RFWD3: variants seen among roughly 807,000 people sequenced by gnomAD.
RFWD3 encodes E3 ubiquitin-protein ligase RFWD3.
Under a neutral mutation model 87.7 loss-of-function variants are expected in RFWD3, and 65 were observed. That is an observed-to-expected ratio of 0.74 (90% CI 0.61 to 0.91). RFWD3 has a LOEUF of 0.91. RFWD3 is among the 40% of genes least tolerant of loss of function. RFWD3 has a pLI of 0.00. For synonymous variants in RFWD3, 433 were observed against 352.8 expected (o/e 1.23, Z -2.55); for missense variants, 1,078 against 938.5 (o/e 1.15, Z -1.94).
intron 2 of RFWD3, 128 bp downstream of exon 2, chr16:74,660,804 T>C: frequency 5.1e-6 from 5 of 980,412 alleles, no homozygotes; most frequent in South Asian, 1.6e-5. Flanking sequence ...TTTCCACCTA[T>C]GAGGAACTGG....
intron 2 of RFWD3, chr16:74,660,676 A>C: frequency 2.5e-6 from 1 of 402,000 alleles, no homozygotes; most frequent in Non-Finnish European, 4.5e-6. Context: ...TGTACAAGAC[A>C]CAATCTGAAC....
chr16:74,643,520 G>A (rs998896942), intron 6 of RFWD3, among the ~76,000 whole-genome samples: 3 of 152,032 alleles, frequency 2.0e-5, no homozygotes, highest in African/African-American at 7.3e-5. Context: ...AGGCTTTAGA[G>A]ACACATTTCC....
intron 2 of RFWD3, among the ~76,000 whole-genome samples, chr16:74,658,378 G>C (rs1961163341): frequency 6.6e-6 from 1 of 152,182 alleles, no homozygotes; most frequent in Non-Finnish European, 1.5e-5. Flanking sequence ...AAGCCTGTTG[G>C]GAAGAATAAG....
At chr16:74,628,709 C>G (rs1367962226) in intron 10 of RFWD3, 43 bp from the exon 11 acceptor site, 1 of 1,589,120 alleles carries the variant, frequency 6.3e-7, no homozygotes, top group African/African-American at 1.3e-5. Context: ...CTCCAAAACT[C>G]GGACGGCTCC....
At chr16:74,639,458 C>T (rs762287541) in intron 6 of RFWD3, among the ~76,000 whole-genome samples, 4 of 152,168 alleles carry the variant, frequency 2.6e-5, no homozygotes, top group Non-Finnish European at 5.9e-5. Flanking sequence ...CATTATGCAG[C>T]ACGTGACTGT....
chr16:74,647,424 A>C (rs1381856058), intron 4 of RFWD3, among the ~76,000 whole-genome samples: 1 of 152,004 alleles, frequency 6.6e-6, no homozygotes, highest in East Asian at 1.9e-4. Context: ...AGTAGCTGGG[A>C]CTATAGGCAC....
rs748422189 is a variant in RFWD3 at position 74,630,876 on chromosome 16, G to A, written c.1659C>T (p.Asn553=). 8 of 1,614,076 alleles carry A rather than the reference G, an allele frequency of 5.0e-6. No individual in the cohort carries two copies. In the South Asian group the frequency reaches 8.8e-5, roughly 18 times the overall value. The change falls in exon 10 of 13, where the codon AAC becomes AAT. Residue 553 remains asparagine, a synonymous_variant. Transcript: ENST00000361070. The stretch of plus-strand genomic sequence containing the variant: ...CATTGGCCAGTCCAGCATAGATGTA[G>A]TTAGCCTCATCAAGACACCAGCAAC... ...WSCCWCLDEA[N]YIYAGLANGS...
At chr16:74,661,690 T>C in intron 1 of RFWD3, among the ~76,000 whole-genome samples, 1 of 152,206 alleles carries the variant, frequency 6.6e-6, no homozygotes, top group Non-Finnish European at 1.5e-5. Flanking sequence ...TGAAGTCCTG[T>C]GATCATAGTA....
chr16:74,623,808 CA>C lies in RFWD3; in HGVS notation c.*119del. 3 of 1,129,782 alleles carry C rather than the reference CA, an allele frequency of 2.7e-6. No homozygotes were observed. The highest frequency in any genetic ancestry group is 2.6e-6 in the Non-Finnish European group (2 of 780,082). The allele number at this position is 1,129,782 out of a possible 1,614,324, so 70.0% of individuals were successfully genotyped here. A position where few individuals can be genotyped will look rare whatever the true frequency, so the allele number is the denominator to read the frequency against. ...GGTCCTAGAATCATACTAATGCAAA[CA>C]AACCATGATTCCCAATGTTCTAGAC... On this transcript the variant is annotated 3_prime_UTR_variant, in exon 13 of 13. Transcript: ENST00000361070.
At chr16:74,664,364 G>A (rs1302911702) in intron 1 of RFWD3, 1 of 152,324 alleles carries the variant, frequency 6.6e-6, no homozygotes, top group African/African-American at 2.4e-5. Context: ...AAGCAACTCA[G>A]CCTTCAGGAA....
chr16:74,658,766 A>C (rs998357359), intron 2 of RFWD3, among the ~76,000 whole-genome samples: 4 of 139,504 alleles, frequency 2.9e-5, no homozygotes, highest in African/African-American at 1.1e-4. Context: ...AGATTCTATA[A>C]TTTTTTTTTT....
At chr16:74,625,227 GA>G (rs947824749) in intron 12 of RFWD3, among the ~76,000 whole-genome samples, 1 of 145,178 alleles carries the variant, frequency 6.9e-6, no homozygotes, top group South Asian at 2.2e-4. Flanking sequence ...GAGAGGGACA[GA>G]AAAAAAAAGG....
intron 6 of RFWD3, 90 bp from the exon 7 acceptor site, chr16:74,638,060 G>T: frequency 1.3e-6 from 1 of 743,224 alleles, no homozygotes; most frequent in Non-Finnish European, 2.4e-6. Context: ...ATGCTATGAT[G>T]CACGTTCTTT....
intron 11 of RFWD3, 71 bp downstream of exon 11, chr16:74,628,381 T>TCAAACC: frequency 6.9e-7 from 1 of 1,446,030 alleles, no homozygotes; most frequent in Non-Finnish European, 9.6e-7. Context: ...AAGGGTAGGA[T>TCAAACC]CAAACCCTCC....
chr16:74,660,961 G>A lies in RFWD3; in HGVS notation c.489C>T (p.Ala163=), dbSNP rs1395828943. Residue 163 remains alanine (A), a synonymous_variant, in exon 2 of 13, where the codon GCC becomes GCT. Transcript: ENST00000361070. ...CACTGTCTGTCCTCTGAGACCCTCCGGCTCTTGCCCTCCGTGAAGCAGATA... is the reference window on the plus strand; with the variant it reads ...CACTGTCTGTCCTCTGAGACCCTCCAGCTCTTGCCCTCCGTGAAGCAGATA... The part of the protein sequence containing the change: ...RRVSASRRAR[A]GGSQRTDSAR... 14 of 1,613,700 alleles carry A rather than the reference G, an allele frequency of 8.7e-6. No individual in the cohort carries two copies. The highest frequency in any genetic ancestry group is 5.0e-5 in the Admixed American group (3 of 59,982).
chr16:74,640,413 G>A (rs902005355), intron 6 of RFWD3, among the ~76,000 whole-genome samples: 9 of 151,840 alleles, frequency 5.9e-5, no homozygotes, highest in Non-Finnish European at 1.0e-4. Context: ...CAAAGTGCTG[G>A]GATTACAGGC....
intron 2 of RFWD3, among the ~76,000 whole-genome samples, chr16:74,655,066 T>C (rs1017576471): frequency 3.9e-5 from 6 of 152,040 alleles, no homozygotes; most frequent in African/African-American, 7.2e-5. Context: ...GCTAAGACAA[T>C]TGATGAAAGT....
At position 74,636,348 on chromosome 16, in the gene RFWD3, G is replaced by T; in HGVS notation, c.1424C>A (p.Pro475Gln). 6.2e-7 allele frequency: 1 copy of T among 1,611,772 alleles called. No individual in the cohort carries two copies. The highest frequency in any genetic ancestry group is 1.1e-5 in the South Asian group (1 of 91,018). The change falls in exon 8 of 13, where the codon CCA (proline) becomes CAA (glutamine). Residue 475 changes from proline (P) to glutamine (Q), a missense_variant and splice_region_variant. Pro to Gln is a moderately conservative substitution (Grantham distance 76). Transcript: ENST00000361070. ...SQPSPQASFL[P>Q]GFGVKMLSTA... ...AGCTGAGGTTCTAGACTCTTTACCTGGAAGAAAAGAGGCCTGAGGAGAAGG... is the reference window on the plus strand; with the variant it reads ...AGCTGAGGTTCTAGACTCTTTACCTTGAAGAAAAGAGGCCTGAGGAGAAGG...
intron 6 of RFWD3, among the ~76,000 whole-genome samples, chr16:74,643,676 T>C (rs1959854482): frequency 1.8e-5 from 2 of 113,036 alleles, no homozygotes; most frequent in Non-Finnish European, 4.1e-5. Flanking sequence ...ACTGTTTTTT[T>C]TTTTTTTTTT....
Sources: gnomAD v4.1 joint callset for allele counts (sites outside exome capture counted in the v4.1 genomes callset) on GRCh38, gnomAD v4.1.1 for gene constraint, MANE v1.5 for transcripts, NCBI Gene and HGNC (gene_info 2026-07-23, HGNC 2026-07-21) for gene names.